IL13RA1: variants seen among roughly 807,000 people sequenced by gnomAD.
IL13RA1 encodes the protein interleukin 13 receptor subunit alpha 1, also known as interleukin-13 receptor subunit alpha-1.
In IL13RA1, 14 loss-of-function variants were observed where a neutral mutation model predicts 33.8. That is an observed-to-expected ratio of 0.41 (90% CI 0.27 to 0.65). IL13RA1 has a LOEUF of 0.65. IL13RA1 is among the 30% of genes least tolerant of loss of function. The probability of loss-of-function intolerance (pLI) is 0.28; values close to 1 mark genes in which losing one functional copy is unlikely to be tolerated. For missense variants in IL13RA1, 313 were observed against 327.0 expected (o/e 0.96, Z 0.33); for synonymous variants, 116 against 115.7 (o/e 1.00, Z -0.02).
chrX:118,796,779 G>C (rs903422780), downstream of IL13RA1, among the ~76,000 whole-genome samples: 1 of 112,257 alleles, frequency 8.9e-6, no homozygotes, highest in African/African-American at 3.2e-5. Context: ...CAGGTGATCC[G>C]CCCGCCTCGG....
At chrX:118,795,720 C>G (rs1489219758), downstream of IL13RA1, among the ~76,000 whole-genome samples, 1 of 112,095 alleles carries the variant, frequency 8.9e-6, no homozygotes, top group Non-Finnish European at 1.9e-5. Context: ...CCAGAGTGAT[C>G]TAAGCACATT....
At chrX:118,791,664 T>G (rs1210158385) in intron 10 of IL13RA1, 98 bp from the exon 11 acceptor site, 1 of 375,176 alleles carries the variant, frequency 2.7e-6, no homozygotes, top group Non-Finnish European at 4.7e-6. Context: ...TACGGTTCCA[T>G]CCACACAAAC....
At chrX:118,778,365 C>T (rs2245288) in intron 10 of IL13RA1, among the ~76,000 whole-genome samples, 18,553 of 110,207 alleles carry the variant, frequency 0.17, 1,457 homozygotes, top group East Asian at 0.43. Flanking sequence ...TCTGCCAGAC[C>T]CTGGGAGTCA....
chrX:118,786,844 A>G (rs2017923905), intron 10 of IL13RA1, among the ~76,000 whole-genome samples: 1 of 112,357 alleles, frequency 8.9e-6, no homozygotes, highest in Non-Finnish European at 1.9e-5. Context: ...CTTTCAGTCT[A>G]GACCACGGAC....
chrX:118,730,784 G>T lies in IL13RA1; in HGVS notation c.88+3058G>T, dbSNP rs1040756984. ...TGTGCTGCGAACCCTTCCTGTCCAG[G>T]ACCATGACTTACTGGTATCTTCCCA... On this transcript the variant is annotated intron_variant, in intron 1 of 10. Coordinates refer to ENST00000371666, the MANE Select transcript of IL13RA1 (RefSeq NM_001560.3). 2.7e-5 allele frequency among the ~76,000 whole-genome samples: 3 copies of T among 112,027 alleles called. No homozygotes were observed. The East Asian group carries it at 8.4e-4, about 31-fold the overall frequency.
intron 9 of IL13RA1, 81 bp from the exon 10 acceptor site, chrX:118,776,346 C>T: frequency 4.3e-6 from 2 of 469,534 alleles, no homozygotes; most frequent in Admixed American, 6.5e-5. Context: ...TTGTCCATGC[C>T]TTCTTTTAAT....
At chrX:118,763,233 T>C (rs901507868) in intron 6 of IL13RA1, among the ~76,000 whole-genome samples, 1 of 112,813 alleles carries the variant, frequency 8.9e-6, no homozygotes, top group East Asian at 2.8e-4. Flanking sequence ...GGAAGGAGTT[T>C]GGTGCTGTCT....
At chrX:118,771,598 C>T (rs1486954678) in intron 8 of IL13RA1, among the ~76,000 whole-genome samples, 15 of 112,387 alleles carry the variant, frequency 1.3e-4, no homozygotes, top group African/African-American at 4.9e-4. Flanking sequence ...GGGACAGTGA[C>T]ACCATAATGT....
rs769345370 is a variant in IL13RA1 at position 118,764,410 on chromosome X, G to A, written c.829-2120G>A. 5.5e-5 allele frequency among the ~76,000 whole-genome samples: 6 copies of A among 109,939 alleles called. No homozygotes were observed. In the East Asian group the frequency reaches 1.4e-3, roughly 26 times the overall value. On this transcript the variant is annotated intron_variant, in intron 6 of 10. Transcript: ENST00000371666. The stretch of plus-strand genomic sequence containing the variant: ...ACTTGATCCCTCACTGGTAGTTGAC[G>A]CTTGTGATTCCCCAACAGGTCTACG...
At chrX:118,755,777 A>C in intron 4 of IL13RA1, among the ~76,000 whole-genome samples, 1 of 111,918 alleles carries the variant, frequency 8.9e-6, no homozygotes, top group Non-Finnish European at 1.9e-5. Flanking sequence ...AATGTCATTA[A>C]ATTTCTTCAG....
At chrX:118,776,541 GT>G (rs5903529) in intron 10 of IL13RA1, 30 bp downstream of exon 10, 4,131 of 214,381 alleles carry the variant, frequency 0.019, no homozygotes, top group East Asian at 0.028. Flanking sequence ...GGCTTGAAAT[GT>G]TTTTTTTTTT....
chrX:118,738,376 C>T (rs901128701), intron 1 of IL13RA1, among the ~76,000 whole-genome samples: 7 of 111,560 alleles, frequency 6.3e-5, no homozygotes, highest in Admixed American at 5.7e-4. Context: ...CACCTCCCTC[C>T]CTCCCTTGTC....
At chrX:118,747,505 C>T (rs1027627662) in intron 3 of IL13RA1, among the ~76,000 whole-genome samples, 17 of 110,836 alleles carry the variant, frequency 1.5e-4, no homozygotes. Flanking sequence ...TGTATGTCTT[C>T]ACATTTCAGG....
intron 3 of IL13RA1, among the ~76,000 whole-genome samples, chrX:118,748,606 A>G (rs1234416318): frequency 9.1e-6 from 1 of 110,286 alleles, no homozygotes; most frequent in Admixed American, 9.8e-5. Context: ...AGATCACATG[A>G]CTGCACTCCA....
Position 118,757,974 on chromosome X carries a change from A to G in IL13RA1, c.489-81A>G. 3 of 590,060 alleles carry G rather than the reference A, an allele frequency of 5.1e-6. No individual in the cohort carries two copies. The South Asian group carries it at 1.2e-4, about 24-fold the overall frequency. 48.6% of individuals were successfully genotyped at this position (590,060 alleles called of 1,213,427 possible). On this transcript the variant is annotated intron_variant, in intron 4 of 10. Coordinates refer to ENST00000371666, the MANE Select transcript of IL13RA1 (RefSeq NM_001560.3). ...CAAAAGTGCTGGGATTACAGGTGTGAGCCACCGCGCCCAGCCTGCTCTTAT... is the reference window on the plus strand; with the variant it reads ...CAAAAGTGCTGGGATTACAGGTGTGGGCCACCGCGCCCAGCCTGCTCTTAT...
At chrX:118,770,955 T>G in intron 8 of IL13RA1, 1 of 224,240 alleles carries the variant, frequency 4.5e-6, no homozygotes, top group Non-Finnish European at 8.3e-6. Context: ...TATTCCAACC[T>G]CTCCTCACTT....
chrX:118,757,772 C>A (rs2017548813), intron 4 of IL13RA1, among the ~76,000 whole-genome samples: 1 of 95,299 alleles, frequency 1.0e-5, no homozygotes, highest in Non-Finnish European at 2.1e-5. Flanking sequence ...TTCACTGCAA[C>A]CTCTGCCTCC....
Position 118,741,172 on chromosome X carries a change from C to T in IL13RA1, c.228+16C>T, listed in dbSNP as rs770209986. 9 of 1,068,447 alleles carry T rather than the reference C, an allele frequency of 8.4e-6. No individual in the cohort carries two copies. Among genetic ancestry groups the T allele is most frequent in the Non-Finnish European group, 9.1e-6 (7 of 767,010 alleles). The allele number at this position is 1,068,447 out of a possible 1,213,427, so 88.1% of individuals were successfully genotyped here. On this transcript the variant is annotated intron_variant, in intron 2 of 10. Coordinates refer to ENST00000371666, the MANE Select transcript of IL13RA1 (RefSeq NM_001560.3). ...ACAAGATAAGGTAAGTTTTCTGCAA[C>T]ATGTTACATTGATGAGGTAAAGTGA...
chrX:118,727,863 C>T (rs1457488366), intron 1 of IL13RA1, 137 bp downstream of exon 1: 3 of 253,073 alleles, frequency 1.2e-5, no homozygotes, highest in African/African-American at 5.8e-5. Context: ...CTCGCGAGGC[C>T]CCGCGCTCGG....
Sources: gnomAD v4.1 joint callset for allele counts (sites outside exome capture counted in the v4.1 genomes callset) on GRCh38, gnomAD v4.1.1 for gene constraint, MANE v1.5 for transcripts, NCBI Gene and HGNC (gene_info 2026-07-23, HGNC 2026-07-21) for gene names.